S100PBP: variants seen among roughly 807,000 people sequenced by gnomAD.
The protein encoded by S100PBP is S100P-binding protein.
S100PBP carries 15 observed loss-of-function variants against 39.9 expected under a neutral mutation model. The observed-to-expected ratio is 0.38, with a 90% confidence interval of 0.25 to 0.58. S100PBP has a LOEUF of 0.58. Ranked by LOEUF, S100PBP falls within the 20% of genes least tolerant of loss-of-function variation. The pLI is 0.70. For synonymous variants in S100PBP, 178 were observed against 180.3 expected (o/e 0.99, Z 0.10); for missense variants, 504 against 487.3 (o/e 1.03, Z -0.32).
At chr1:32,855,818 C>T in intron 6 of S100PBP, 106 bp from the exon 7 acceptor site, 23 of 603,334 alleles carry the variant, frequency 3.8e-5, no homozygotes, top group Admixed American at 6.5e-5. Flanking sequence ...ATCTGATTTC[C>T]AAAAGTAAAG....
chr1:32,846,326 T>C (rs1640373339), intron 5 of S100PBP, among the ~76,000 whole-genome samples: 1 of 150,390 alleles, frequency 6.6e-6, no homozygotes, highest in East Asian at 1.9e-4. Context: ...AAATGTCTTA[T>C]AGAGAGCATA....
At chr1:32,818,108 G>C (rs995508868) in intron 1 of S100PBP, 1 of 152,772 alleles carries the variant, frequency 6.5e-6, no homozygotes, top group African/African-American at 2.4e-5. Flanking sequence ...CATTCCCTGG[G>C]GAGATCTGAG....
upstream of S100PBP, chr1:32,817,093 G>A (rs1265061829): frequency 2.0e-6 from 3 of 1,504,594 alleles, no homozygotes; most frequent in Non-Finnish European, 1.8e-6. Flanking sequence ...CCGAGTCCCC[G>A]GCCCCACATA....
intron 6 of S100PBP, among the ~76,000 whole-genome samples, chr1:32,853,633 T>C (rs1640713173): frequency 6.6e-6 from 1 of 152,048 alleles, no homozygotes; most frequent in Admixed American, 6.6e-5. Context: ...GCACAGTAGC[T>C]CACGCCTGTA....
chr1:32,842,227 A>G (rs11577823), intron 5 of S100PBP, among the ~76,000 whole-genome samples: 21 of 78,242 alleles, frequency 2.7e-4, no homozygotes, highest in African/African-American at 7.1e-4. Context: ...ATATGTATAT[A>G]TATATATATA....
intron 5 of S100PBP, among the ~76,000 whole-genome samples, chr1:32,850,797 A>G (rs866442898): frequency 6.6e-6 from 1 of 152,232 alleles, no homozygotes; most frequent in African/African-American, 2.4e-5. Context: ...ATTTTTCCTA[A>G]AAAGTGTTAT....
intron 5 of S100PBP, among the ~76,000 whole-genome samples, chr1:32,849,253 T>C (rs1640512178): frequency 6.6e-6 from 1 of 151,938 alleles, no homozygotes; most frequent in African/African-American, 2.4e-5. Context: ...CAGGTGATCC[T>C]CCCACCTCAG....
rs1032315246 is a variant in S100PBP, at chr1:32,826,901, T to A, written c.802T>A (p.Ser268Thr). 8 of 1,595,530 alleles carry A rather than the reference T, an allele frequency of 5.0e-6. No individual in the cohort carries two copies. The highest frequency in any genetic ancestry group is 4.5e-5 in the East Asian group (2 of 44,772). The change falls in exon 3 of 7, where the codon TCT becomes ACT. Residue 268 changes from serine (S) to threonine (T), a missense_variant. Transcript: ENST00000373475. Reference sequence around the variant, plus strand: ...ACACAAGTCAAGTTGTGAAATGAGATCTCTGGTTGTTTCCACCTCATCAAA... The same window carrying A: ...ACACAAGTCAAGTTGTGAAATGAGAACTCTGGTTGTTTCCACCTCATCAAA... ...GSHKSSCEMR[S>T]LVVSTSSNKQ... is the part of the protein sequence containing the mutation.
rs115751209 is a variant in S100PBP at position 32,825,973 on chromosome 1, T to C, written c.-2-125T>C. ...GGTAAGGTTAAATATCTTAAAATTATTTCTTATGCTACAAGTCACAGTGCA... is the reference window on the plus strand; with the variant it reads ...GGTAAGGTTAAATATCTTAAAATTACTTCTTATGCTACAAGTCACAGTGCA... On this transcript the variant is annotated intron_variant, in intron 2 of 6. Transcript: ENST00000373475. 7.4e-4 allele frequency: 485 copies of C among 659,176 alleles called. 3 individuals are homozygous for C. In the African/African-American group the frequency reaches 8.1e-3, roughly 11 times the overall value. 40.8% of individuals were successfully genotyped at this position (659,176 alleles called of 1,614,324 possible).
intron 1 of S100PBP, among the ~76,000 whole-genome samples, chr1:32,824,424 C>A (rs1442896209): frequency 6.6e-6 from 1 of 152,124 alleles, no homozygotes; most frequent in Non-Finnish European, 1.5e-5. Context: ...TTAGGTCTGT[C>A]ATTAGCTGTT....
intron 5 of S100PBP, chr1:32,847,392 C>T (rs1190070052): frequency 6.6e-6 from 1 of 152,160 alleles, no homozygotes; most frequent in Admixed American, 6.6e-5. Context: ...CCTCGGGGAT[C>T]ACAATTTTCA....
intron 5 of S100PBP, among the ~76,000 whole-genome samples, chr1:32,840,655 C>A (rs962167371): frequency 1.3e-5 from 2 of 152,022 alleles, no homozygotes; most frequent in Non-Finnish European, 2.9e-5. Flanking sequence ...CCACGCCCGA[C>A]CTATTTTCTA....
intron 1 of S100PBP, among the ~76,000 whole-genome samples, chr1:32,819,916 T>G (rs1212642650): frequency 6.6e-6 from 1 of 152,206 alleles, no homozygotes; most frequent in East Asian, 1.9e-4. Context: ...GTTCAGAGAC[T>G]TGAAGTGAAT....
chr1:32,831,464 A>G (rs1243236014), intron 5 of S100PBP, among the ~76,000 whole-genome samples: 4 of 152,060 alleles, frequency 2.6e-5, no homozygotes, highest in African/African-American at 9.7e-5. Context: ...GTCCTTTTGC[A>G]GAGGAGACTC....
At position 32,826,747 on chromosome 1, in the gene S100PBP, C is replaced by G. The variant is rs552978579; in HGVS notation, c.648C>G (p.Asn216Lys). 6.2e-7 allele frequency: 1 copy of G among 1,614,136 alleles called. No homozygotes were observed. The highest frequency in any genetic ancestry group is 1.3e-5 in the African/African-American group (1 of 75,032). ...ATGGGCCCCAGCTCTCTTCTTCAAA[C>G]AATAACTTTCAACAGACTGTCTCTG... ...AWNGPQLSSS[N>K]NNFQQTVSDK... is the part of the protein sequence containing the mutation. Residue 216 changes from asparagine to lysine, a missense_variant, in exon 3 of 7, where the codon AAC becomes AAG. Transcript: ENST00000373475.
chr1:32,817,059 G>A, upstream of S100PBP: 2 of 1,194,672 alleles, frequency 1.7e-6, no homozygotes, highest in Non-Finnish European at 1.2e-6. Flanking sequence ...GAGATCTACA[G>A]GCTCTCTCAG....
chr1:32,837,589 T>G (rs1035946401), intron 5 of S100PBP, among the ~76,000 whole-genome samples: 1 of 144,108 alleles, frequency 6.9e-6, no homozygotes, highest in Non-Finnish European at 1.5e-5. Flanking sequence ...AAAAAGATAA[T>G]AAGCATATTG....
intron 3 of S100PBP, among the ~76,000 whole-genome samples, chr1:32,827,502 G>GAGAT (rs1272580475): frequency 6.7e-6 from 1 of 149,970 alleles, no homozygotes; most frequent in Admixed American, 6.6e-5. Flanking sequence ...TTTTTTTCTT[G>GAGAT]AGATAGAGTC....
chr1:32,851,408 G>A (rs1054301806), intron 5 of S100PBP, among the ~76,000 whole-genome samples: 6 of 152,152 alleles, frequency 3.9e-5, no homozygotes, highest in Admixed American at 3.9e-4. Context: ...ACTCACGCCT[G>A]TAATCCCAGC....
Sources: gnomAD v4.1 joint callset for allele counts (sites outside exome capture counted in the v4.1 genomes callset) on GRCh38, gnomAD v4.1.1 for gene constraint, MANE v1.5 for transcripts, NCBI Gene and HGNC (gene_info 2026-07-23, HGNC 2026-07-21) for gene names.